The following EEIG2 variants were observed in gnomAD, a reference collection of about 807,000 sequenced individuals.
The protein encoded by EEIG2 is EEIG family member 2.
chr1:108,590,929 C>T, the EEIG2 span, among the ~76,000 whole-genome samples: 3 of 152,068 alleles, frequency 2.0e-5, no homozygotes, highest in South Asian at 2.1e-4. Context: ...TTTTTAAAGA[C>T]TTTCTAGATT....
the EEIG2 span, among the ~76,000 whole-genome samples, chr1:108,576,019 T>TTG: frequency 6.6e-6 from 1 of 152,160 alleles, no homozygotes; most frequent in Non-Finnish European, 1.5e-5. Context: ...GTTATTTGTT[T>TTG]TGTGTGTGTG....
At chr1:108,576,647 T>G in the EEIG2 span, among the ~76,000 whole-genome samples, 2 of 146,814 alleles carry the variant, frequency 1.4e-5, no homozygotes, top group Non-Finnish European at 3.0e-5. Flanking sequence ...TATGGCTGCA[T>G]AGTATTCCAT....
the EEIG2 span, among the ~76,000 whole-genome samples, chr1:108,605,770 A>G: frequency 1.3e-5 from 2 of 152,192 alleles, no homozygotes; most frequent in South Asian, 2.1e-4. Flanking sequence ...GGTTTGTACT[A>G]TACTAAATGT....
the EEIG2 span, among the ~76,000 whole-genome samples, chr1:108,563,777 A>G: frequency 6.6e-6 from 1 of 152,350 alleles, no homozygotes; most frequent in African/African-American, 2.4e-5. Context: ...AATTACTTCT[A>G]ATGAAATTAG....
chr1:108,615,641 C>G, the EEIG2 span, among the ~76,000 whole-genome samples: 1 of 151,836 alleles, frequency 6.6e-6, no homozygotes, highest in African/African-American at 2.4e-5. Context: ...AAGAATTAGC[C>G]AGGCGTAGTG....
the EEIG2 span, among the ~76,000 whole-genome samples, chr1:108,610,978 A>G: frequency 6.6e-6 from 1 of 152,170 alleles, no homozygotes; most frequent in Non-Finnish European, 1.5e-5. Context: ...ATAAGACTAG[A>G]GTAACCATGT....
the EEIG2 span, among the ~76,000 whole-genome samples, chr1:108,608,242 G>A: frequency 6.6e-6 from 1 of 151,970 alleles, no homozygotes; most frequent in Admixed American, 6.6e-5. Context: ...CTCATGTATC[G>A]TTAAAGACTC....
At chr1:108,612,070 G>T in the EEIG2 span, 1 of 667,500 alleles carries the variant, frequency 1.5e-6, no homozygotes, top group Non-Finnish European at 2.5e-6. Flanking sequence ...GCAAATAAAT[G>T]AAGTTGGAGA....
At chr1:108,576,596 T>A in the EEIG2 span, among the ~76,000 whole-genome samples, 2 of 143,544 alleles carry the variant, frequency 1.4e-5, no homozygotes, top group Admixed American at 7.1e-5. Flanking sequence ...GGTTTCCAAT[T>A]TCATCCATGT....
the EEIG2 span, chr1:108,629,895 G>A: frequency 4.0e-6 from 2 of 505,774 alleles, no homozygotes; most frequent in African/African-American, 3.9e-5. Context: ...TTTTTAAAGG[G>A]TATTAGTCAA....
the EEIG2 span, among the ~76,000 whole-genome samples, chr1:108,583,856 C>A: frequency 6.6e-6 from 1 of 151,958 alleles, no homozygotes; most frequent in African/African-American, 2.4e-5. Flanking sequence ...AGAAAAAGAC[C>A]TAATTAGGGC....
At chr1:108,597,715 A>G in the EEIG2 span, among the ~76,000 whole-genome samples, 1 of 152,174 alleles carries the variant, frequency 6.6e-6, no homozygotes, top group East Asian at 1.9e-4. Flanking sequence ...TCCCTGTGAG[A>G]TAATGCCTTT....
the EEIG2 span, among the ~76,000 whole-genome samples, chr1:108,563,117 G>A: frequency 6.6e-6 from 1 of 152,208 alleles, no homozygotes; most frequent in African/African-American, 2.4e-5. Flanking sequence ...TATGTACAAG[G>A]CTGGCCCTTG....
chr1:108,607,750 GTTGACCAGTCCTC>G, the EEIG2 span, among the ~76,000 whole-genome samples: 3 of 152,204 alleles, frequency 2.0e-5, no homozygotes, highest in East Asian at 5.8e-4. Context: ...GTCTGCTGTA[GTTGACCAGTCCTC>G]TTGATTTTTC....
the EEIG2 span, among the ~76,000 whole-genome samples, chr1:108,630,460 G>A: frequency 6.7e-6 from 1 of 150,328 alleles, no homozygotes; most frequent in East Asian, 2.0e-4. Context: ...AGCATTAGGA[G>A]ATAAACCTAA....
chr1:108,612,387 GTGC>G, the EEIG2 span: 14 of 798,588 alleles, frequency 1.8e-5, no homozygotes, highest in African/African-American at 2.4e-4. Context: ...ATGTGAATCA[GTGC>G]TGATATGATA....
the EEIG2 span, chr1:108,560,637 T>G: frequency 1.3e-6 from 2 of 1,526,790 alleles, no homozygotes; most frequent in Non-Finnish European, 1.8e-6. Context: ...GCATCTCTCC[T>G]TGGCCCATTT....
the EEIG2 span, among the ~76,000 whole-genome samples, chr1:108,606,696 T>C: frequency 6.6e-6 from 1 of 152,370 alleles, no homozygotes; most frequent in South Asian, 2.1e-4. Context: ...TAGAAGGAAT[T>C]AGTAACAACA....
the EEIG2 span, among the ~76,000 whole-genome samples, chr1:108,586,867 A>G: frequency 6.6e-6 from 1 of 152,200 alleles, no homozygotes. Flanking sequence ...TAGAATATTT[A>G]GAAAGAATAA....
Sources: allele counts gnomAD v4.1 joint callset (sites outside exome capture counted in the v4.1 genomes callset), GRCh38; gene constraint gnomAD v4.1.1; transcripts MANE v1.5; gene names NCBI Gene and HGNC (gene_info 2026-07-23, HGNC 2026-07-21).